The following PIEZO2 variants were observed in gnomAD, a reference collection of about 807,000 sequenced individuals.
PIEZO2 encodes piezo-type mechanosensitive ion channel component 2.
In PIEZO2, 172 loss-of-function variants were observed where a neutral mutation model predicts 337.3. The ratio of observed to expected loss-of-function variants is 0.51; its 90% CI spans 0.45 to 0.58. The LOEUF is 0.58. Among genes scored for constraint, PIEZO2 ranks in the 20% least tolerant of loss-of-function variants. The pLI, the probability that PIEZO2 is intolerant of heterozygous loss-of-function variation, is 0.00. For synonymous variants in PIEZO2, 1,251 were observed against 1,228.5 expected, an observed-to-expected ratio of 1.02 and a Z score of -0.38; for missense variants, 3,028 against 3,391.3, an observed-to-expected ratio of 0.89 and a Z score of 2.66.
intron 3 of PIEZO2, among the ~76,000 whole-genome samples, chr18:10,941,921 G>T (rs984864378): frequency 3.9e-5 from 6 of 152,152 alleles, no homozygotes; most frequent in Non-Finnish European, 8.8e-5. Flanking sequence ...ATCATGGGGG[G>T]TGGGTCTTTC....
At chr18:10,879,375 A>AAG (rs2042351078) in intron 4 of PIEZO2, among the ~76,000 whole-genome samples, 1 of 151,054 alleles carries the variant, frequency 6.6e-6, no homozygotes. Flanking sequence ...GAACAGGCAA[A>AAG]AGAGTCCTTT....
At chr18:10,749,398 G>A (rs1345815731) in intron 29 of PIEZO2, among the ~76,000 whole-genome samples, 1 of 152,164 alleles carries the variant, frequency 6.6e-6, no homozygotes, top group Non-Finnish European at 1.5e-5. Context: ...AGGAGTTCAA[G>A]GTTACAGTGA....
intron 2 of PIEZO2, among the ~76,000 whole-genome samples, chr18:10,994,673 G>T (rs1568276361): frequency 6.6e-6 from 1 of 151,490 alleles, no homozygotes; most frequent in Non-Finnish European, 1.5e-5. Flanking sequence ...CTCCCAAAGT[G>T]CTGGGATTAC....
At chr18:10,738,336 T>TA (rs2037090059) in intron 33 of PIEZO2, 1 of 152,162 alleles carries the variant, frequency 6.6e-6, no homozygotes, top group Non-Finnish European at 1.5e-5. Flanking sequence ...AACATTAGCT[T>TA]AAATTGTATT....
At position 10,750,138 on chromosome 18, in the gene PIEZO2, A is replaced by T; in HGVS notation, c.4217T>A (p.Leu1406Ter). 1 of 1,537,224 alleles carries T rather than the reference A, an allele frequency of 6.5e-7. No homozygotes were observed. Among genetic ancestry groups the T allele is most frequent in the Non-Finnish European group, 8.7e-7 (1 of 1,146,874 alleles). Residue 1406 changes from leucine (L) to a stop codon, truncating the protein, a stop_gained, in exon 29 of 56, where the codon TTG becomes TAG. Transcript: ENST00000674853. LOFTEE classifies it high-confidence loss of function. This position sits in a 1 kb window ranked among gnomAD's most constrained non-coding sequence, Gnocchi z 4.1. Reference protein sequence around the residue: ...IGTLVHNSCWLIQAFSLACTV... With the variant: ...IGTLVHNSCW Reference sequence around the variant, plus strand: ...GCAGGCCAGGCTGAAAGCCTGGATCAACCAACAACTATTGTGCACCAATGT... The same window carrying T: ...GCAGGCCAGGCTGAAAGCCTGGATCTACCAACAACTATTGTGCACCAATGT...
intron 3 of PIEZO2, among the ~76,000 whole-genome samples, chr18:10,971,786 C>A (rs1313225121): frequency 1.3e-5 from 2 of 152,130 alleles, no homozygotes; most frequent in African/African-American, 2.4e-5. Flanking sequence ...AAGTCCAATT[C>A]TGCATAAAAT....
chr18:11,081,978 T>G (rs1755564288), intron 1 of PIEZO2, among the ~76,000 whole-genome samples: 1 of 152,144 alleles, frequency 6.6e-6, no homozygotes. Context: ...CAGGCTGATC[T>G]CGAGCTCCTG....
At position 10,854,577 on chromosome 18, in the gene PIEZO2, C is replaced by T. The variant is rs919826548; in HGVS notation, c.917+776G>A. Reference sequence around the variant, plus strand: ...GACTTATTAAAAGTCAAAGTAAATGCTAGATTCTTTACCTTTAATTCTCAT... The same window carrying T: ...GACTTATTAAAAGTCAAAGTAAATGTTAGATTCTTTACCTTTAATTCTCAT... On this transcript the variant is annotated intron_variant, in intron 7 of 55. Transcript: ENST00000674853. This position sits in a 1 kb window ranked among gnomAD's most constrained non-coding sequence, Gnocchi z 4.6. Among the ~76,000 whole-genome samples, 2 of 152,154 alleles carry T rather than the reference C, an allele frequency of 1.3e-5. No individual in the cohort carries two copies. Among genetic ancestry groups the T allele is most frequent in the African/African-American group, 4.8e-5 (2 of 41,442 alleles).
rs575306704 is a variant in PIEZO2, at chr18:10,978,840, T to C, written c.286+695A>G. 2.6e-5 allele frequency among the ~76,000 whole-genome samples: 4 copies of C among 152,336 alleles called. No homozygotes were observed. The East Asian group carries it at 5.8e-4, about 22-fold the overall frequency. ...AAACATATGAATTGCTTTCACCTAC[T>C]TGACTGCTTCTGTTTTTTCAAGTAA... On this transcript the variant is annotated intron_variant, in intron 3 of 55. Transcript: ENST00000674853.
rs1446987567 is a variant in PIEZO2, at chr18:10,943,477, C to G, written c.287-32249G>C. Among the ~76,000 whole-genome samples, 1 of 152,208 alleles carries G rather than the reference C, an allele frequency of 6.6e-6. No homozygotes were observed. Among genetic ancestry groups the G allele is most frequent in the Non-Finnish European group, 1.5e-5 (1 of 68,040 alleles). The stretch of plus-strand genomic sequence containing the variant: ...TTTGACTGCCCTGCTGGATTTCAGA[C>G]TTGCATGGGGCCTGTAGCACCTTAG... On this transcript the variant is annotated intron_variant, in intron 3 of 55. Coordinates refer to ENST00000674853, the MANE Select transcript of PIEZO2 (RefSeq NM_001378183.1). This position sits in a 1 kb window ranked among gnomAD's most constrained non-coding sequence, Gnocchi z 4.5.
intron 7 of PIEZO2, among the ~76,000 whole-genome samples, chr18:10,840,141 A>G (rs966607606): frequency 2.6e-5 from 4 of 152,258 alleles, no homozygotes; most frequent in African/African-American, 9.6e-5. Flanking sequence ...AATACATAAC[A>G]TATTTTAATG....
At chr18:10,825,087 C>A (rs907727277) in intron 7 of PIEZO2, among the ~76,000 whole-genome samples, 1 of 152,142 alleles carries the variant, frequency 6.6e-6, no homozygotes, top group Non-Finnish European at 1.5e-5. Context: ...TGGTCTTGAA[C>A]TCCTGACCTC....
chr18:10,680,122 C>A, intron 52 of PIEZO2, 77 bp downstream of exon 52: 2 of 1,304,206 alleles, frequency 1.5e-6, no homozygotes, highest in East Asian at 2.4e-5. Context: ...TCTTCCATCC[C>A]ACCACACCCT....
At chr18:10,689,977 C>T (rs961148996) in intron 48 of PIEZO2, among the ~76,000 whole-genome samples, 175 bp from the exon 49 acceptor site, 6 of 152,180 alleles carry the variant, frequency 3.9e-5, no homozygotes, top group African/African-American at 1.2e-4. Flanking sequence ...CATTATAAGT[C>T]GAATCTATGG....
At chr18:11,139,664 G>T (rs1227701703) in intron 1 of PIEZO2, among the ~76,000 whole-genome samples, 1 of 152,112 alleles carries the variant, frequency 6.6e-6, no homozygotes, top group Non-Finnish European at 1.5e-5. Context: ...CACTTCAAAT[G>T]AAGACACTTG....
rs1244511597 is a variant in PIEZO2 at position 11,105,175 on chromosome 18, TA to T, written c.65-38954del. Among the ~76,000 whole-genome samples, 1 of 152,110 alleles carries T rather than the reference TA, an allele frequency of 6.6e-6. No homozygotes were observed. Among genetic ancestry groups the T allele is most frequent in the African/African-American group, 2.4e-5 (1 of 41,414 alleles). ...CTTGCCATGATGGAGGAAGTATCAA[TA>T]AATCGCCCATTTTCTTTGACCACGA... On this transcript the variant is annotated intron_variant, in intron 1 of 55. Transcript: ENST00000674853. The surrounding 1 kb of genome is among the most constrained non-coding windows in gnomAD (Gnocchi z 4.3).
Position 10,671,259 on chromosome 18 carries a change from G to T in PIEZO2, c.*268C>A. The T allele has an allele frequency of 3.3e-6, 1 of 301,096 alleles. No individual in the cohort carries two copies. The allele number at this position is 301,096 out of a possible 1,614,324, so 18.7% of individuals were successfully genotyped here. On this transcript the variant is annotated 3_prime_UTR_variant, in exon 56 of 56. Coordinates refer to ENST00000674853, the MANE Select transcript of PIEZO2 (RefSeq NM_001378183.1). ...GGGCCCATAAATGATTCCTTCACAT[G>T]ATCAATCAGAATGCGAGACACTGTT...
chr18:11,087,729 T>A (rs144120281), intron 1 of PIEZO2, among the ~76,000 whole-genome samples: 3,416 of 152,372 alleles, frequency 0.022, 127 homozygotes, highest in African/African-American at 0.075. Flanking sequence ...TTTTCACATG[T>A]GCTTCTGTCT....
chr18:10,884,308 A>T (rs2042510568), intron 4 of PIEZO2, among the ~76,000 whole-genome samples: 2 of 152,176 alleles, frequency 1.3e-5, no homozygotes, highest in Non-Finnish European at 2.9e-5. Context: ...ATTGATGGAC[A>T]CAGGTTGATT....
Sources: gnomAD v4.1 joint callset for allele counts (sites outside exome capture counted in the v4.1 genomes callset) on GRCh38, gnomAD v4.1.1 for gene constraint, Gnocchi (gnomAD v3.1) non-coding constraint, MANE v1.5 for transcripts, NCBI Gene and HGNC (gene_info 2026-07-23, HGNC 2026-07-21) for gene names.